Variants in CDKL5 observed in about 807,000 individuals in gnomAD.
CDKL5 encodes cyclin dependent kinase like 5.
CDKL5 carries 8 observed loss-of-function variants against 61.7 expected under a neutral mutation model. The ratio of observed to expected loss-of-function variants is 0.13; its 90% CI spans 0.08 to 0.23. The LOEUF (loss-of-function observed/expected upper bound fraction) is 0.23, where lower values mean the gene tolerates loss of function less well. Among genes scored for constraint, CDKL5 ranks in the 10% least tolerant of loss-of-function variants. The pLI, the probability that CDKL5 is intolerant of heterozygous loss-of-function variation, is 1.00. For synonymous variants in CDKL5, 275 were observed against 272.3 expected (o/e 1.01, Z -0.10); for missense variants, 440 against 734.5 (o/e 0.60, Z 4.63).
intron 15 of CDKL5, among the ~76,000 whole-genome samples, chrX:18,616,062 C>T (rs961593592): frequency 4.9e-4 from 54 of 111,136 alleles, no homozygotes; most frequent in African/African-American, 1.7e-3. Flanking sequence ...TTCATTTATG[C>T]TCAGTTCTAG....
At position 18,598,512 on chromosome X, in the gene CDKL5, G is replaced by C; in HGVS notation, c.876G>C (p.Leu292Phe). 1 of 1,205,978 alleles carries C rather than the reference G, an allele frequency of 8.3e-7. No homozygotes were observed. The highest frequency in any genetic ancestry group is 1.1e-6 in the Non-Finnish European group (1 of 890,207). ...PADRYLTEQCLNHPTFQTQRL... is the reference protein window; with the variant it reads ...PADRYLTEQCFNHPTFQTQRL... ...ACAGATACTTGACAGAACAGTGTTT[G>C]AATCACCCTACATTTCAAACCCAGA... is the stretch of plus-strand genomic sequence containing the variant. Residue 292 changes from leucine to phenylalanine, a missense_variant, in exon 11 of 18, where the codon TTG (leucine) becomes TTC (phenylalanine). By Grantham distance (22) the Leu-to-Phe change is conservative (BLOSUM62 0). This residue lies in a region of CDKL5 where 363 missense variants were observed against 516.3 expected (regional missense o/e 0.70). Transcript: ENST00000623535.
rs148531754 is a variant in CDKL5, at chrX:18,650,613, G to C, written c.2980+21G>C. 518 of 1,206,570 alleles carry C rather than the reference G, an allele frequency of 4.3e-4. No homozygotes were observed. In the East Asian group the frequency reaches 0.015, roughly 34 times the overall value. ...ATCCGGTAAGCAGAGACTCTAGACCGGTGGGGCTCAGCCTGGGCTGTACCT... is the reference window on the plus strand; with the variant it reads ...ATCCGGTAAGCAGAGACTCTAGACCCGTGGGGCTCAGCCTGGGCTGTACCT... On this transcript the variant is annotated intron_variant, in intron 21 of 21. Coordinates refer to the CDKL5 transcript ENST00000379989.
At position 18,604,624 on chromosome X, in the gene CDKL5, C is replaced by A; in HGVS notation, c.1700C>A (p.Thr567Lys). 8.3e-7 allele frequency: 1 copy of A among 1,212,002 alleles called. No homozygotes were observed. The highest frequency in any genetic ancestry group is 1.1e-6 in the Non-Finnish European group (1 of 895,513). The change falls in exon 12 of 18, where the codon ACG (threonine) becomes AAG (lysine). Residue 567 changes from threonine to lysine, a missense_variant. Coordinates refer to ENST00000623535, the MANE Select transcript of CDKL5 (RefSeq NM_001323289.2). ...SRRTTTRHSK[T>K]MEELKLPEHM... ...CGAACCACAACCAGACATTCTAAGA[C>A]GATGGAGGAATTGAAGCTGCCGGAG...
At chrX:18,518,160 T>A (rs918655717) in intron 3 of CDKL5, among the ~76,000 whole-genome samples, 1 of 110,299 alleles carries the variant, frequency 9.1e-6, no homozygotes, top group Admixed American at 9.7e-5. Flanking sequence ...TCAACTTTTT[T>A]TTTTGTTTTT....
At chrX:18,516,000 TTC>T (rs61114888) in intron 3 of CDKL5, among the ~76,000 whole-genome samples, 11 of 106,964 alleles carry the variant, frequency 1.0e-4, no homozygotes, top group Admixed American at 2.0e-4. Context: ...CTTTCCTTCT[TTC>T]TCTCTCTCTC....
chrX:18,480,119 CT>C (rs1314598438), intron 1 of CDKL5, among the ~76,000 whole-genome samples: 2 of 110,393 alleles, frequency 1.8e-5, no homozygotes, highest in African/African-American at 6.6e-5. Context: ...AATCTAATGT[CT>C]TTTTTTTTCT....
intron 16 of CDKL5, among the ~76,000 whole-genome samples, chrX:18,623,202 C>G (rs1322368196): frequency 8.9e-6 from 1 of 112,073 alleles, no homozygotes; most frequent in Admixed American, 9.5e-5. Context: ...TAGTTAGTAT[C>G]TCAACTTGTG....
intron 3 of CDKL5, chrX:18,535,012 A>G (rs1923770425): frequency 8.9e-6 from 1 of 112,102 alleles, no homozygotes; most frequent in Non-Finnish European, 1.9e-5. Flanking sequence ...AATGAGTGCA[A>G]TCATTTGGCA....
At chrX:18,486,711 G>A (rs914620358) in intron 1 of CDKL5, among the ~76,000 whole-genome samples, 13 of 111,994 alleles carry the variant, frequency 1.2e-4, no homozygotes, top group African/African-American at 4.2e-4. Context: ...CTCGCATAAA[G>A]AGTAGCAAAT....
At position 18,441,915 on chromosome X, in the gene CDKL5, C is replaced by T. The variant is rs185538131; in HGVS notation, c.-163+16220C>T. ...TCTGTTCTTGATTAAGCCTCAGTTTCAGGCCTGACTCTCAGGATCTTGCCC... is the reference window on the plus strand; with the variant it reads ...TCTGTTCTTGATTAAGCCTCAGTTTTAGGCCTGACTCTCAGGATCTTGCCC... On this transcript the variant is annotated intron_variant, in intron 1 of 17. Coordinates refer to ENST00000623535, the MANE Select transcript of CDKL5 (RefSeq NM_001323289.2). Among the ~76,000 whole-genome samples the T allele has an allele frequency of 5.4e-5, 6 of 111,235 alleles. No individual in the cohort carries two copies. In the East Asian group the frequency reaches 1.4e-3, roughly 26 times the overall value.
chrX:18,600,772 C>T (rs1017935669), intron 11 of CDKL5, among the ~76,000 whole-genome samples: 2 of 111,618 alleles, frequency 1.8e-5, no homozygotes, highest in Non-Finnish European at 3.8e-5. Flanking sequence ...GAGGAGTCCT[C>T]CCAAGTCCCC....
intron 1 of CDKL5, among the ~76,000 whole-genome samples, chrX:18,488,125 G>T (rs1311856351): frequency 9.0e-6 from 1 of 111,066 alleles, no homozygotes; most frequent in Non-Finnish European, 1.9e-5. Flanking sequence ...CCTCTTGAAG[G>T]TACTTGACAG....
At chrX:18,499,787 G>A (rs1248311724) in intron 1 of CDKL5, among the ~76,000 whole-genome samples, 1 of 111,805 alleles carries the variant, frequency 8.9e-6, no homozygotes, top group Non-Finnish European at 1.9e-5. Context: ...GTTTCTATTG[G>A]TTCTTGTTCG....
At chrX:18,586,152 T>A (rs1398431391) in intron 8 of CDKL5, among the ~76,000 whole-genome samples, 3 of 112,006 alleles carry the variant, frequency 2.7e-5, no homozygotes, top group East Asian at 2.8e-4. Context: ...CACTTTATTA[T>A]CTCTTCCATT....
At chrX:18,644,679 A>G, downstream of CDKL5, 1 of 1,150,402 alleles carries the variant, frequency 8.7e-7, no homozygotes, top group Non-Finnish European at 1.2e-6. Flanking sequence ...TGTCTGCAAA[A>G]AGCCCGCAGG....
intron 1 of CDKL5, among the ~76,000 whole-genome samples, chrX:18,479,958 T>G (rs1400304255): frequency 4.5e-5 from 5 of 112,204 alleles, no homozygotes; most frequent in African/African-American, 1.6e-4. Flanking sequence ...GCAAAGATAG[T>G]GGAGAGTTTC....
chrX:18,633,571 A>G lies in CDKL5; in HGVS notation c.*4814A>G, dbSNP rs1927291601. 1.3e-6 allele frequency: 1 copy of G among 753,556 alleles called. No homozygotes were observed. The highest frequency in any genetic ancestry group is 2.3e-5 in the African/African-American group (1 of 43,497). The allele number at this position is 753,556 out of a possible 1,213,427, so 62.1% of individuals were successfully genotyped here. A position where few individuals can be genotyped will look rare whatever the true frequency, so the allele number is the denominator to read the frequency against. On this transcript the variant is annotated 3_prime_UTR_variant, in exon 18 of 18. Transcript: ENST00000623535. ...TGAGGTCTGGTTCAGCTGATGAAAA[A>G]TTCTGTCTCAGAAACGATGAGTAAG...
At chrX:18,528,687 A>G (rs1293143888) in intron 3 of CDKL5, among the ~76,000 whole-genome samples, 1 of 111,123 alleles carries the variant, frequency 9.0e-6, no homozygotes. Flanking sequence ...AGCCTGGAAT[A>G]CAGTGGCACA....
chrX:18,632,886 C>T lies in CDKL5; in HGVS notation c.*4129C>T. ...CTTTAGAGTAAATAAGGAAAAAAGC[C>T]ATTTATTTTCTTCTAGCCATGTATT... On this transcript the variant is annotated 3_prime_UTR_variant, in exon 18 of 18. Transcript: ENST00000623535. 4 of 751,393 alleles carry T rather than the reference C, an allele frequency of 5.3e-6. No individual in the cohort carries two copies. Among genetic ancestry groups the T allele is most frequent in the Non-Finnish European group, 6.3e-6 (4 of 636,830 alleles). The allele number at this position is 751,393 out of a possible 1,213,427, so 61.9% of individuals were successfully genotyped here.
Sources: allele counts gnomAD v4.1 joint callset (sites outside exome capture counted in the v4.1 genomes callset), GRCh38; gene constraint gnomAD v4.1.1; regional missense constraint gnomAD v4.1.1; transcripts MANE v1.5; gene names NCBI Gene and HGNC (gene_info 2026-07-23, HGNC 2026-07-21).